The following KCNN2 variants were observed in gnomAD, a reference collection of about 807,000 sequenced individuals.
The protein encoded by KCNN2 is small conductance calcium-activated potassium channel protein 2.
KCNN2 carries 24 observed loss-of-function variants against 55.5 expected under a neutral mutation model. The ratio of observed to expected loss-of-function variants is 0.43; its 90% CI spans 0.31 to 0.61. The LOEUF is 0.61. Ranked by LOEUF, KCNN2 falls within the 20% of genes least tolerant of loss-of-function variation. The pLI, the probability that KCNN2 is intolerant of heterozygous loss-of-function variation, is 0.08. For missense variants in KCNN2, 754 were observed against 853.6 expected (o/e 0.88, Z 1.45); for synonymous variants, 431 against 336.1 (o/e 1.28, Z -3.09).
intron 1 of KCNN2, among the ~76,000 whole-genome samples, chr5:114,164,140 C>G (rs528556960): frequency 2.9e-4 from 44 of 152,080 alleles, no homozygotes; most frequent in Non-Finnish European, 5.4e-4. Context: ...AAGTATTACT[C>G]TCTGGTGAAA....
chr5:114,385,155 T>G (rs912356792), intron 2 of KCNN2, among the ~76,000 whole-genome samples: 1 of 152,056 alleles, frequency 6.6e-6, no homozygotes, highest in Non-Finnish European at 1.5e-5. Context: ...GCCACCAATT[T>G]CTCTCTTTGC....
intron 2 of KCNN2, among the ~76,000 whole-genome samples, chr5:114,365,159 C>T (rs1757564639): frequency 6.6e-6 from 1 of 152,048 alleles, no homozygotes; most frequent in South Asian, 2.1e-4. Flanking sequence ...ACTCCAAGTG[C>T]AGAGGGAGAA....
At chr5:114,370,434 G>A (rs1757726907) in intron 2 of KCNN2, among the ~76,000 whole-genome samples, 1 of 152,118 alleles carries the variant, frequency 6.6e-6, no homozygotes. Context: ...AGGAGGAGGG[G>A]TTAAAGAGAG....
intron 2 of KCNN2, among the ~76,000 whole-genome samples, chr5:114,333,888 G>A (rs1276471160): frequency 6.6e-6 from 1 of 152,086 alleles, no homozygotes; most frequent in Non-Finnish European, 1.5e-5. Flanking sequence ...ATGTTCAACT[G>A]AAACTGAGCC....
At chr5:114,276,275 C>T (rs6594814) in intron 2 of KCNN2, among the ~76,000 whole-genome samples, 136,467 of 152,080 alleles carry the variant, frequency 0.9, 61,634 homozygotes, top group East Asian at 0.95. Context: ...AGAATAAGTG[C>T]GATGTGGTGC....
intron 1 of KCNN2, among the ~76,000 whole-genome samples, chr5:114,130,773 G>C (rs1752055771): frequency 6.6e-6 from 1 of 152,126 alleles, no homozygotes; most frequent in Admixed American, 6.5e-5. Context: ...TAAAACCAAG[G>C]ATAAAGGCAG....
intron 1 of KCNN2, among the ~76,000 whole-genome samples, chr5:114,074,547 A>T (rs919619307): frequency 6.6e-6 from 1 of 152,156 alleles, no homozygotes; most frequent in Non-Finnish European, 1.5e-5. Context: ...TTTATTCAGG[A>T]CCAGCTTTTG....
intron 1 of KCNN2, among the ~76,000 whole-genome samples, chr5:114,085,507 A>T (rs531376035): frequency 6.6e-6 from 1 of 152,022 alleles, no homozygotes; most frequent in Non-Finnish European, 1.5e-5. Context: ...ATGGTATATC[A>T]GGAAAAAATT....
At chr5:114,380,757 T>TG (rs1758094052) in intron 2 of KCNN2, among the ~76,000 whole-genome samples, 1 of 152,124 alleles carries the variant, frequency 6.6e-6, no homozygotes, top group South Asian at 2.1e-4. Flanking sequence ...ATGACCGGTT[T>TG]GGGGGGCAGT....
chr5:114,371,663 G>A (rs1757762499), intron 2 of KCNN2, among the ~76,000 whole-genome samples: 2 of 152,108 alleles, frequency 1.3e-5, no homozygotes, highest in Admixed American at 6.6e-5. Context: ...CTTTTCACAG[G>A]ATCACAGAAC....
At chr5:114,255,836 C>G (rs1207978457) in intron 2 of KCNN2, among the ~76,000 whole-genome samples, 3 of 152,116 alleles carry the variant, frequency 2.0e-5, no homozygotes, top group Non-Finnish European at 4.4e-5. Flanking sequence ...TGTGATTCAA[C>G]AGTTGTTCAA....
chr5:114,431,358 T>G (rs1759787206), intron 3 of KCNN2, among the ~76,000 whole-genome samples: 6 of 152,100 alleles, frequency 3.9e-5, no homozygotes, highest in African/African-American at 1.4e-4. Flanking sequence ...TTATCTAGGT[T>G]GTCAAATGTG....
chr5:114,091,704 G>C (rs1282966999), intron 1 of KCNN2, among the ~76,000 whole-genome samples: 1 of 152,136 alleles, frequency 6.6e-6, no homozygotes, highest in Non-Finnish European at 1.5e-5. Flanking sequence ...TGAAGGTAAA[G>C]GGGAAGCAAG....
intron 2 of KCNN2, among the ~76,000 whole-genome samples, chr5:114,328,074 G>C (rs1000647146): frequency 6.6e-6 from 1 of 152,210 alleles, no homozygotes; most frequent in Non-Finnish European, 1.5e-5. Flanking sequence ...GGCTTATACT[G>C]ATTTCTGTGG....
At chr5:114,290,737 C>T (rs1365547117) in intron 2 of KCNN2, among the ~76,000 whole-genome samples, 1 of 152,070 alleles carries the variant, frequency 6.6e-6, no homozygotes, top group African/African-American at 2.4e-5. Flanking sequence ...ATAAATTTAC[C>T]TCTGAACACC....
At chr5:114,246,589 T>G (rs1057223223) in intron 2 of KCNN2, among the ~76,000 whole-genome samples, 29 of 151,268 alleles carry the variant, frequency 1.9e-4, no homozygotes, top group Admixed American at 1.8e-3. Flanking sequence ...AAACTAACAT[T>G]GGTATCGTAC....
intron 1 of KCNN2, among the ~76,000 whole-genome samples, chr5:114,068,602 T>A (rs572038422): frequency 1.3e-5 from 2 of 152,174 alleles, no homozygotes; most frequent in Admixed American, 1.3e-4. Flanking sequence ...ATAAGGTGAC[T>A]TCTGCACCTG....
At chr5:114,328,436 C>G (rs1756750383) in intron 2 of KCNN2, among the ~76,000 whole-genome samples, 1 of 152,172 alleles carries the variant, frequency 6.6e-6, no homozygotes, top group Non-Finnish European at 1.5e-5. Flanking sequence ...CCCATCCCCA[C>G]TCATCTTCCT....
chr5:114,103,440 T>C (rs1009757027), intron 1 of KCNN2, among the ~76,000 whole-genome samples: 3 of 152,150 alleles, frequency 2.0e-5, no homozygotes, highest in African/African-American at 7.2e-5. Flanking sequence ...CTGATTACCC[T>C]GGCCAGAACT....
Sources: allele counts gnomAD v4.1 joint callset (sites outside exome capture counted in the v4.1 genomes callset), GRCh38; gene constraint gnomAD v4.1.1; transcripts MANE v1.5; gene names NCBI Gene and HGNC (gene_info 2026-07-23, HGNC 2026-07-21).